The following BAIAP2L1 variants were observed in gnomAD, a reference collection of about 807,000 sequenced individuals.
BAIAP2L1 encodes BAR/IMD domain-containing adapter protein 2-like 1.
In BAIAP2L1, 35 loss-of-function variants were observed where a neutral mutation model predicts 66.3. The observed-to-expected ratio is 0.53, with a 90% CI of 0.40 to 0.70. The LOEUF is 0.70. BAIAP2L1 is among the 30% of genes least tolerant of loss of function. The probability of loss-of-function intolerance (pLI) is 0.00; values close to 1 mark genes in which losing one functional copy is unlikely to be tolerated. For synonymous variants in BAIAP2L1, 269 were observed against 248.7 expected (o/e 1.08, Z -0.77); for missense variants, 622 against 656.9 (o/e 0.95, Z 0.58).
In BAIAP2L1 at chr7:98,367,311, A is replaced by G. The variant is rs1802408013; in HGVS notation, c.52-4879T>C. 2.6e-5 allele frequency among the ~76,000 whole-genome samples: 4 copies of G among 152,192 alleles called. No individual in the cohort carries two copies. The South Asian group carries it at 8.3e-4, about 32-fold the overall frequency. ...GCTACAGTTCTATTAACTCAACTACAGACCTTATTTGGATTTTCCCACTTT... is the reference window on the plus strand; with the variant it reads ...GCTACAGTTCTATTAACTCAACTACGGACCTTATTTGGATTTTCCCACTTT... On this transcript the variant is annotated intron_variant, in intron 1 of 13. Coordinates refer to ENST00000005260, the MANE Select transcript of BAIAP2L1 (RefSeq NM_018842.5).
intron 1 of BAIAP2L1, among the ~76,000 whole-genome samples, chr7:98,363,698 G>T (rs1802324107): frequency 6.6e-6 from 1 of 152,112 alleles, no homozygotes; most frequent in Admixed American, 6.6e-5. Context: ...TAAGCTTCAT[G>T]ATATTAATCA....
At position 98,326,246 on chromosome 7, in the gene BAIAP2L1, C is replaced by T. The variant is rs150298900; in HGVS notation, c.215-5948G>A. On this transcript the variant is annotated intron_variant, in intron 3 of 13. Transcript: ENST00000005260. ...GAGCCATGACTGTGCCACTGTACTC[C>T]GGCCTGGGCAACAGAGCAAGGCACA... 9.4e-4 allele frequency among the ~76,000 whole-genome samples: 143 copies of T among 152,214 alleles called. 2 individuals carry two copies. Among genetic ancestry groups the T allele is most frequent in the African/African-American group, 3.3e-3 (135 of 41,538 alleles).
At chr7:98,330,432 C>T (rs1002652680) in intron 3 of BAIAP2L1, among the ~76,000 whole-genome samples, 4 of 151,902 alleles carry the variant, frequency 2.6e-5, no homozygotes, top group South Asian at 2.1e-4. Context: ...CCGAGGCGGG[C>T]GGATCATCTG....
At chr7:98,330,173 T>C (rs1481680393) in intron 3 of BAIAP2L1, among the ~76,000 whole-genome samples, 1 of 152,018 alleles carries the variant, frequency 6.6e-6, no homozygotes, top group Non-Finnish European at 1.5e-5. Context: ...AAAAACCAGA[T>C]TCAGATGTGG....
intron 10 of BAIAP2L1, chr7:98,306,951 T>C (rs1288354868): frequency 1.2e-5 from 2 of 171,724 alleles, no homozygotes; most frequent in South Asian, 2.7e-4. Flanking sequence ...TTTTATTTAA[T>C]ACATCTGAAC....
chr7:98,300,825 C>T (rs766458194), intron 12 of BAIAP2L1, among the ~76,000 whole-genome samples: 3 of 152,144 alleles, frequency 2.0e-5, no homozygotes, highest in South Asian at 2.1e-4. Flanking sequence ...GGCTGGTGCC[C>T]GACCCCAGCT....
chr7:98,401,028 T>C lies in BAIAP2L1; in HGVS notation c.-176A>G, dbSNP rs952135127. The stretch of plus-strand genomic sequence containing the variant: ...TCTCCGCTGCGAAAATGTCAAAACT[T>C]GCGGCAGCGCCGCCCTGGCCTTCTT... On this transcript the variant is annotated 5_prime_UTR_variant, in exon 1 of 14. Transcript: ENST00000005260. 2.3e-6 allele frequency: 1 copy of C among 438,070 alleles called. No individual in the cohort carries two copies. Among genetic ancestry groups the C allele is most frequent in the African/African-American group, 2.1e-5 (1 of 47,728 alleles). 27.1% of individuals were successfully genotyped at this position (438,070 alleles called of 1,614,324 possible).
At chr7:98,296,766 T>C (rs1369714644) in intron 12 of BAIAP2L1, among the ~76,000 whole-genome samples, 1 of 152,254 alleles carries the variant, frequency 6.6e-6, no homozygotes, top group Non-Finnish European at 1.5e-5. Context: ...GATACAAGGC[T>C]GGCAGGAGCC....
At chr7:98,357,260 G>A (rs1267635182) in intron 2 of BAIAP2L1, among the ~76,000 whole-genome samples, 1 of 149,748 alleles carries the variant, frequency 6.7e-6, no homozygotes, top group African/African-American at 2.5e-5. Flanking sequence ...ATCTACTTTA[G>A]GATTTATTGT....
In BAIAP2L1 at chr7:98,304,240, A is replaced by T. The variant is rs2269966; in HGVS notation, c.1378T>A (p.Ser460Thr). The change falls in exon 12 of 14, where the codon TCC becomes ACC. Residue 460 changes from serine to threonine, a missense_variant. Transcript: ENST00000005260. ...TTGGACGCTGGGGCCTTAAAGGTGGATGTCGTCCTGGCCGAATCTGCTCTC... is the reference window on the plus strand; with the variant it reads ...TTGGACGCTGGGGCCTTAAAGGTGGTTGTCGTCCTGGCCGAATCTGCTCTC... ...DRRADSARTT[S>T]TFKAPASKPE... 2.5e-3 allele frequency: 4,014 copies of T among 1,612,968 alleles called. 130 individuals carry two copies. In the East Asian group the frequency reaches 0.074, roughly 30 times the overall value.
intron 1 of BAIAP2L1, among the ~76,000 whole-genome samples, chr7:98,397,427 C>T (rs796828982): frequency 4.0e-5 from 6 of 148,604 alleles, no homozygotes; most frequent in South Asian, 2.1e-4. Context: ...CTGGTTCAAG[C>T]GATTATCCTG....
At position 98,304,337 on chromosome 7, in the gene BAIAP2L1, A is replaced by G. The variant is rs148981505; in HGVS notation, c.1281T>C (p.Ser427=). 2.0e-5 allele frequency: 33 copies of G among 1,613,642 alleles called. No individual in the cohort carries two copies. In the African/African-American group the frequency reaches 3.9e-4, roughly 19 times the overall value. The change falls in exon 12 of 14, where the codon TCT becomes TCC. Residue 427 remains serine (S), a synonymous_variant. Transcript: ENST00000005260. ...PVRSISTVNL[S]ENSSVVIPPP... The stretch of plus-strand genomic sequence containing the variant: ...GGGGGATGACAACACTGCTATTCTC[A>G]GACAAGTTCACGGTGCTGATGCTTC...
At position 98,310,547 on chromosome 7, in the gene BAIAP2L1, G is replaced by C. The variant is rs75638449; in HGVS notation, c.853C>G (p.Pro285Ala). The C allele has an allele frequency of 6.3e-7, 1 of 1,593,094 alleles. No homozygotes were observed. Among genetic ancestry groups the C allele is most frequent in the East Asian group, 2.3e-5 (1 of 44,104 alleles). The change falls in exon 9 of 14, where the codon CCC becomes GCC. Residue 285 changes from proline (P) to alanine (A), a missense_variant. Physicochemically the swap from Pro to Ala is conservative, Grantham distance 27. Coordinates refer to ENST00000005260, the MANE Select transcript of BAIAP2L1 (RefSeq NM_018842.5). ...TATGCTCTGCCTGAAGGAGCGGGGG[G>C]CATCTTTGGTGAGCATTTAGAAAGG... ...DTLSKCSPKMPPAPSGRAYTS... is the reference protein window; with the variant it reads ...DTLSKCSPKMAPAPSGRAYTS...
chr7:98,395,442 A>C (rs1242040209), intron 1 of BAIAP2L1, among the ~76,000 whole-genome samples: 1 of 151,120 alleles, frequency 6.6e-6, no homozygotes, highest in Non-Finnish European at 1.5e-5. Context: ...GTCTCAAAAA[A>C]AAAAAAAAAA....
At chr7:98,304,821 A>G (rs551515738) in intron 11 of BAIAP2L1, among the ~76,000 whole-genome samples, 1 of 151,888 alleles carries the variant, frequency 6.6e-6, no homozygotes, top group South Asian at 2.1e-4. Context: ...CCCGGCCTAA[A>G]ACACTAATGT....
At chr7:98,377,008 G>C (rs1322007599) in intron 1 of BAIAP2L1, among the ~76,000 whole-genome samples, 1 of 152,152 alleles carries the variant, frequency 6.6e-6, no homozygotes, top group African/African-American at 2.4e-5. Flanking sequence ...TCAGTCAAAA[G>C]CCTGAGGACA....
Position 98,310,467 on chromosome 7 carries a change from T to A in BAIAP2L1, c.933A>T (p.Ser311=). The A allele has an allele frequency of 6.2e-7, 1 of 1,600,430 alleles. No homozygotes were observed. The highest frequency in any genetic ancestry group is 8.5e-7 in the Non-Finnish European group (1 of 1,175,706). ...FNNPATAAPN[S]QRVNNSTGTS... ...TACCTGTTGAATTATTTACCCTTTGTGAATTCGGGGCAGCCGTGGCTGGGT... is the reference window on the plus strand; with the variant it reads ...TACCTGTTGAATTATTTACCCTTTGAGAATTCGGGGCAGCCGTGGCTGGGT... Residue 311 remains serine, a synonymous_variant, in exon 9 of 14, where the codon TCA becomes TCT. Coordinates refer to ENST00000005260, the MANE Select transcript of BAIAP2L1 (RefSeq NM_018842.5).
chr7:98,330,486 T>C (rs1457217119), intron 3 of BAIAP2L1, among the ~76,000 whole-genome samples: 1 of 151,974 alleles, frequency 6.6e-6, no homozygotes, highest in Non-Finnish European at 1.5e-5. Context: ...GATGAAACCC[T>C]GTCTCTACTA....
In BAIAP2L1 at chr7:98,320,072, C is replaced by A; in HGVS notation, c.334G>T (p.Val112Leu). 6.2e-7 allele frequency: 1 copy of A among 1,613,380 alleles called. No homozygotes were observed. Among genetic ancestry groups the A allele is most frequent in the Non-Finnish European group, 8.5e-7 (1 of 1,179,606 alleles). The change falls in exon 5 of 14, where the codon GTG becomes TTG. Residue 112 changes from valine (V) to leucine (L), a missense_variant. Transcript: ENST00000005260. ...CATGCACTTACGTTCATATATTTCA[C>A]GTCAAGTTCTATCTTCTTCTCCAGC... ...HELEKKIELD[V>L]KYMNATLKRY...
Sources: gnomAD v4.1 joint callset for allele counts (sites outside exome capture counted in the v4.1 genomes callset) on GRCh38, gnomAD v4.1.1 for gene constraint, MANE v1.5 for transcripts, NCBI Gene and HGNC (gene_info 2026-07-23, HGNC 2026-07-21) for gene names.